The following MBNL3 variants were observed in gnomAD, a reference collection of about 807,000 sequenced individuals.
MBNL3 encodes the protein muscleblind like splicing regulator 3, also known as muscleblind-like protein 3.
MBNL3 carries 6 observed loss-of-function variants against 24.5 expected under a neutral mutation model. That is an observed-to-expected ratio of 0.25 (90% CI 0.13 to 0.48). MBNL3 has a LOEUF of 0.48. Ranked by LOEUF, MBNL3 falls within the 20% of genes least tolerant of loss-of-function variation. The probability of loss-of-function intolerance (pLI) is 0.99; values close to 1 mark genes in which losing one functional copy is unlikely to be tolerated. For synonymous variants in MBNL3, 100 were observed against 101.7 expected (o/e 0.98, Z 0.10); for missense variants, 230 against 293.5 (o/e 0.78, Z 1.58).
At chrX:132,393,734 T>C (rs1430698278) in intron 3 of MBNL3, among the ~76,000 whole-genome samples, 5 of 111,782 alleles carry the variant, frequency 4.5e-5, no homozygotes, top group Non-Finnish European at 9.4e-5. Flanking sequence ...GGTGTCTCAT[T>C]GTGTATTACT....
intron 2 of MBNL3, among the ~76,000 whole-genome samples, chrX:132,422,592 A>C (rs1009133610): frequency 8.9e-6 from 1 of 112,241 alleles, no homozygotes; most frequent in Non-Finnish European, 1.9e-5. Flanking sequence ...AGAAACATTA[A>C]GTCTTCCAGA....
intron 1 of MBNL3, among the ~76,000 whole-genome samples, chrX:132,447,485 G>A (rs1461835120): frequency 9.0e-6 from 1 of 111,263 alleles, no homozygotes; most frequent in Non-Finnish European, 1.9e-5. Context: ...TTGTGAGTTC[G>A]ATTCCTAGGT....
intron 2 of MBNL3, chrX:132,430,123 A>T (rs1387037552): frequency 9.0e-6 from 1 of 110,777 alleles, no homozygotes; most frequent in Non-Finnish European, 1.9e-5. Flanking sequence ...CCCCATACTC[A>T]AAGTTTTTTT....
chrX:132,460,420 A>G (rs1313022425), intron 1 of MBNL3, among the ~76,000 whole-genome samples: 2 of 111,849 alleles, frequency 1.8e-5, no homozygotes, highest in Middle Eastern at 4.6e-3. Context: ...TCATCATTCT[A>G]CTTCTTACTG....
rs182541192 is a variant in MBNL3 at position 132,393,857 on chromosome X, A to G, written c.343-1523T>C. Among the ~76,000 whole-genome samples the G allele has an allele frequency of 2.4e-3, 266 of 111,456 alleles. 1 individual carries two copies. Among genetic ancestry groups the G allele is most frequent in the African/African-American group, 8.1e-3 (248 of 30,615 alleles). Reference sequence around the variant, plus strand: ...CTGCTAAGTCACATTAATAGAAACAAGTCTAAATACAAATTGTGGAATATA... The same window carrying G: ...CTGCTAAGTCACATTAATAGAAACAGGTCTAAATACAAATTGTGGAATATA... On this transcript the variant is annotated intron_variant, in intron 3 of 8. Coordinates refer to ENST00000370853, the MANE Select transcript of MBNL3 (RefSeq NM_001386889.1).
intron 2 of MBNL3, among the ~76,000 whole-genome samples, chrX:132,408,092 C>CTTTTTTTTTTTTTTTTT (rs60044820): frequency 1.8e-4 from 4 of 22,572 alleles, no homozygotes; most frequent in Non-Finnish European, 2.4e-4. Context: ...GAATTTCAGT[C>CTTTTTTTTTTTTTTTTT]TTTTTTTTTT....
At position 132,403,016 on chromosome X, in the gene MBNL3, T is replaced by C. The variant is rs762388521; in HGVS notation, c.342+3212A>G. ...CTTACAAATATCAGGACTGGAAATT[T>C]CTTAAACAAAAGTATGACTATCTTA... On this transcript the variant is annotated intron_variant, in intron 3 of 8. Transcript: ENST00000370853. 2.7e-5 allele frequency among the ~76,000 whole-genome samples: 3 copies of C among 112,060 alleles called. No individual in the cohort carries two copies. The East Asian group carries it at 8.4e-4, about 32-fold the overall frequency.
At chrX:132,396,315 A>AATATATATTCATATATATTC in intron 3 of MBNL3, among the ~76,000 whole-genome samples, 1 of 82,607 alleles carries the variant, frequency 1.2e-5, no homozygotes, top group South Asian at 5.1e-4. Context: ...TAAAGCACCA[A>AATATATATTCATATATATTC]ATATATATTC....
intron 2 of MBNL3, among the ~76,000 whole-genome samples, chrX:132,420,656 A>G (rs1464153065): frequency 9.0e-6 from 1 of 110,846 alleles, no homozygotes; most frequent in African/African-American, 3.3e-5. Context: ...CTAAGTTGCA[A>G]GCCCCGTGTT....
chrX:132,466,185 C>A (rs903337242), intron 1 of MBNL3, among the ~76,000 whole-genome samples: 1 of 112,041 alleles, frequency 8.9e-6, no homozygotes, highest in Non-Finnish European at 1.9e-5. Flanking sequence ...AACGTTGTTC[C>A]CCCTTAGACA....
chrX:132,412,956 G>A (rs1942934368), intron 2 of MBNL3, among the ~76,000 whole-genome samples: 2 of 112,467 alleles, frequency 1.8e-5, no homozygotes, highest in African/African-American at 6.5e-5. Flanking sequence ...GCAGCTGATA[G>A]CTGCCAACAT....
chrX:132,437,590 G>T (rs1252356305), intron 2 of MBNL3, among the ~76,000 whole-genome samples: 3 of 111,335 alleles, frequency 2.7e-5, no homozygotes, highest in African/African-American at 6.5e-5. Flanking sequence ...GTTGCCCGAG[G>T]TCAGATACAG....
At chrX:132,398,619 G>T (rs1250226565) in intron 3 of MBNL3, among the ~76,000 whole-genome samples, 2 of 111,259 alleles carry the variant, frequency 1.8e-5, no homozygotes, top group Non-Finnish European at 3.8e-5. Flanking sequence ...AGAATTAAGT[G>T]GTTATCTAGT....
At chrX:132,397,613 T>C (rs920777744) in intron 3 of MBNL3, among the ~76,000 whole-genome samples, 2 of 111,620 alleles carry the variant, frequency 1.8e-5, no homozygotes, top group African/African-American at 3.2e-5. Context: ...ATAGCACTCA[T>C]AAATTTTACT....
intron 2 of MBNL3, among the ~76,000 whole-genome samples, chrX:132,416,009 A>G (rs1943256759): frequency 9.0e-6 from 1 of 111,413 alleles, no homozygotes; most frequent in Non-Finnish European, 1.9e-5. Flanking sequence ...AGGTTCTCCA[A>G]AAAACTAAAA....
intron 1 of MBNL3, among the ~76,000 whole-genome samples, chrX:132,457,320 G>C: frequency 9.0e-6 from 1 of 111,573 alleles, no homozygotes; most frequent in Non-Finnish European, 1.9e-5. Flanking sequence ...AAACAAGCAA[G>C]CAAGTCTGTA....
At position 132,396,488 on chromosome X, in the gene MBNL3, CTA is replaced by C. The variant is rs1341718513; in HGVS notation, c.343-4156_343-4155del. Among the ~76,000 whole-genome samples the C allele has an allele frequency of 9.7e-4, 55 of 56,629 alleles. 4 individuals are homozygous for C. Among genetic ancestry groups the C allele is most frequent in the African/African-American group, 4.4e-3 (53 of 12,082 alleles). The allele number at this position is 56,629 out of a possible 115,157, so 49.2% of individuals were successfully genotyped here. On this transcript the variant is annotated intron_variant, in intron 3 of 8. Coordinates refer to ENST00000370853, the MANE Select transcript of MBNL3 (RefSeq NM_001386889.1). ...TTCCTATATATATTCATATATATTC[CTA>C]TATATATTCCTATATATATTCATAT...
Position 132,412,893 on chromosome X carries a change from CA to C in MBNL3, c.178-6502del, listed in dbSNP as rs774847157. ...ACGAAGCACATTGGTACCAAGTTATCAAAAGTCAGAAGGCATTCCTCATGCA... is the reference window on the plus strand; with the variant it reads ...ACGAAGCACATTGGTACCAAGTTATCAAAGTCAGAAGGCATTCCTCATGCA... On this transcript the variant is annotated intron_variant, in intron 2 of 8. Transcript: ENST00000370853. 1.7e-4 allele frequency among the ~76,000 whole-genome samples: 19 copies of C among 112,502 alleles called. No individual in the cohort carries two copies. In the Admixed American group the frequency reaches 1.8e-3, roughly 11 times the overall value.
chrX:132,472,865 T>C (rs1372296), intron 1 of MBNL3, among the ~76,000 whole-genome samples: 8,069 of 111,762 alleles, frequency 0.072, 695 homozygotes, highest in African/African-American at 0.25. Flanking sequence ...TGTTTGCAAA[T>C]TGAATTTCTT....
Sources: allele counts gnomAD v4.1 joint callset (sites outside exome capture counted in the v4.1 genomes callset), GRCh38; gene constraint gnomAD v4.1.1; transcripts MANE v1.5; gene names NCBI Gene and HGNC (gene_info 2026-07-23, HGNC 2026-07-21).